The following TRIP12 variants were observed in gnomAD, a reference collection of about 807,000 sequenced individuals.
TRIP12 encodes the protein E3 ubiquitin-protein ligase TRIP12.
In TRIP12, 25 loss-of-function variants were observed where a neutral mutation model predicts 244.2. The ratio of observed to expected loss-of-function variants is 0.10; its 90% CI spans 0.07 to 0.14. The LOEUF is 0.14. Among genes scored for constraint, TRIP12 ranks in the 10% least tolerant of loss-of-function variants. The pLI is 1.00. For missense variants in TRIP12, 1,677 were observed against 2,486.4 expected (o/e 0.67, Z 6.92); for synonymous variants, 905 against 873.1 (o/e 1.04, Z -0.64).
In TRIP12 at chr2:229,778,955, A is replaced by G; in HGVS notation, c.5130T>C (p.Tyr1710=). The change falls in exon 35 of 42, where the codon TAT becomes TAC. Residue 1710 remains tyrosine (Y), a synonymous_variant. Transcript: ENST00000675903. The surrounding 1 kb of genome is among the most constrained non-coding windows in gnomAD (Gnocchi z 4.1). ...GTGLGPTLEF[Y]ALVSQELQRA... The stretch of plus-strand genomic sequence containing the variant: ...TCTGTAGTTCCTGAGATACAAGCGC[A>G]TAAAACTCCAGTGTAGGCCCAAGAC... The G allele has an allele frequency of 6.2e-7, 1 of 1,613,948 alleles. No homozygotes were observed. The highest frequency in any genetic ancestry group is 8.5e-7 in the Non-Finnish European group (1 of 1,179,834).
At chr2:229,897,081 C>T (rs2069054837) in intron 1 of TRIP12, among the ~76,000 whole-genome samples, 1 of 152,092 alleles carries the variant, frequency 6.6e-6, no homozygotes. Flanking sequence ...GAGGAGTGTA[C>T]AGGAAATCTC....
At chr2:229,806,014 G>T in intron 17 of TRIP12, 131 bp from the exon 18 acceptor site, 1 of 693,294 alleles carries the variant, frequency 1.4e-6, no homozygotes, top group Non-Finnish European at 2.2e-6. Flanking sequence ...GAAGTTAACA[G>T]AAGATGGAAT....
intron 21 of TRIP12, among the ~76,000 whole-genome samples, chr2:229,799,691 C>T (rs538695668): frequency 5.3e-5 from 8 of 151,792 alleles, no homozygotes; most frequent in African/African-American, 1.7e-4. Context: ...AGGAGAATGG[C>T]GTGAACCCGG....
chr2:229,815,071 T>C lies in TRIP12; in HGVS notation c.1731+28A>G, dbSNP rs772930987. 1.9e-6 allele frequency: 3 copies of C among 1,568,898 alleles called. No individual in the cohort carries two copies. In the South Asian group the frequency reaches 3.5e-5, roughly 18 times the overall value. ...AAACTTGACTCCCTATGCCTGCTTT[T>C]GAACAAACGGGGTAAAAGTAGGATC... On this transcript the variant is annotated intron_variant, in intron 11 of 41. Transcript: ENST00000675903.
chr2:229,849,734 A>T (rs555455492), intron 4 of TRIP12, among the ~76,000 whole-genome samples: 2 of 152,196 alleles, frequency 1.3e-5, no homozygotes, highest in Non-Finnish European at 2.9e-5. Context: ...TTAGCTGGGT[A>T]TGGTGGCATG....
chr2:229,815,803 CAGT>C (rs1424243635), intron 9 of TRIP12, among the ~76,000 whole-genome samples: 1 of 152,114 alleles, frequency 6.6e-6, no homozygotes, highest in Non-Finnish European at 1.5e-5. Context: ...TTAAAATGTA[CAGT>C]AATATAGAAT....
rs573908842 is a variant in TRIP12, at chr2:229,789,520, T to G, written c.4695+91A>C. ...ACTTTACTGGGCTAGGAGCCCTGCA[T>G]TTAGCTGAATCACTGTTTCCATTTC... On this transcript the variant is annotated intron_variant, in intron 31 of 41. Coordinates refer to ENST00000675903, the MANE Select transcript of TRIP12 (RefSeq NM_001348323.3). 1.7e-5 allele frequency: 25 copies of G among 1,484,252 alleles called. No individual in the cohort carries two copies. The East Asian group carries it at 5.7e-4, about 34-fold the overall frequency. The allele number at this position is 1,484,252 out of a possible 1,614,324, so 91.9% of individuals were successfully genotyped here.
chr2:229,846,297 CT>C (rs1374009088), intron 4 of TRIP12, among the ~76,000 whole-genome samples: 1 of 152,096 alleles, frequency 6.6e-6, no homozygotes, highest in Non-Finnish European at 1.5e-5. Context: ...CGTTTTGAAA[CT>C]TCCACAATCA....
At chr2:229,880,251 C>T (rs2064544700) in intron 1 of TRIP12, 123 bp from the exon 2 acceptor site, 1 of 630,672 alleles carries the variant, frequency 1.6e-6, no homozygotes, top group African/African-American at 1.8e-5. Context: ...CAGCCTTCAC[C>T]CATGCTGCAA....
intron 4 of TRIP12, among the ~76,000 whole-genome samples, chr2:229,853,651 C>G (rs1379162582): frequency 6.6e-6 from 1 of 150,956 alleles, no homozygotes; most frequent in Admixed American, 6.7e-5. Flanking sequence ...GAATGAGACT[C>G]TGACTCCAAA....
intron 1 of TRIP12, among the ~76,000 whole-genome samples, chr2:229,897,645 T>A (rs2069259581): frequency 6.6e-6 from 1 of 152,262 alleles, no homozygotes; most frequent in African/African-American, 2.4e-5. Flanking sequence ...AGACTCCGTC[T>A]CTAAATAAAT....
At chr2:229,885,670 G>C (rs2154358008) in intron 1 of TRIP12, among the ~76,000 whole-genome samples, 1 of 152,258 alleles carries the variant, frequency 6.6e-6, no homozygotes, top group African/African-American at 2.4e-5. Context: ...AAAACAGCAA[G>C]GACTTCAAAT....
chr2:229,819,040 CCACACA>C (rs370625320), intron 8 of TRIP12, among the ~76,000 whole-genome samples: 9,333 of 133,954 alleles, frequency 0.07, 323 homozygotes, highest in Middle Eastern at 0.15. Context: ...AAAATAAAAA[CCACACA>C]CACACACACA....
chr2:229,782,960 G>A (rs931597252), intron 34 of TRIP12, among the ~76,000 whole-genome samples: 1 of 152,166 alleles, frequency 6.6e-6, no homozygotes, highest in Non-Finnish European at 1.5e-5. Context: ...GAAGAGGGGG[G>A]AAGTATCCCA....
chr2:229,769,166 TAC>T (rs1483790405), intron 40 of TRIP12, 63 bp downstream of exon 40: 33 of 1,441,902 alleles, frequency 2.3e-5, no homozygotes, highest in South Asian at 8.5e-5. Context: ...CATGTGTGTG[TAC>T]ACACACACCC....
intron 39 of TRIP12, among the ~76,000 whole-genome samples, chr2:229,769,704 A>G (rs1314818355): frequency 6.6e-6 from 1 of 152,016 alleles, no homozygotes; most frequent in Non-Finnish European, 1.5e-5. Context: ...CAGAAACACA[A>G]AGGTATACAG....
chr2:229,864,045 A>AGAGAGAGAGT (rs1559957254), intron 2 of TRIP12, among the ~76,000 whole-genome samples: 14 of 67,244 alleles, frequency 2.1e-4, no homozygotes, highest in Non-Finnish European at 3.5e-4. Context: ...AGAGAGAGAG[A>AGAGAGAGAGT]GAGTGTGTGT....
chr2:229,871,564 T>TGC (rs965208347), intron 2 of TRIP12, among the ~76,000 whole-genome samples: 8 of 152,290 alleles, frequency 5.3e-5, no homozygotes, highest in Admixed American at 2.0e-4. Context: ...ATGCTGGCTT[T>TGC]GCTTTCTGCC....
intron 1 of TRIP12, among the ~76,000 whole-genome samples, chr2:229,897,828 T>C (rs1200176602): frequency 2.0e-5 from 3 of 152,004 alleles, no homozygotes; most frequent in Non-Finnish European, 4.4e-5. Flanking sequence ...CTCCTCTCTC[T>C]CCCCCCTATG....
Sources: gnomAD v4.1 joint callset for allele counts (sites outside exome capture counted in the v4.1 genomes callset) on GRCh38, gnomAD v4.1.1 for gene constraint, Gnocchi (gnomAD v3.1) non-coding constraint, MANE v1.5 for transcripts, NCBI Gene and HGNC (gene_info 2026-07-23, HGNC 2026-07-21) for gene names.